Variants in FZR1 observed in about 807,000 individuals in gnomAD.
FZR1 encodes fizzy and cell division cycle 20 related 1, also known as fizzy-related protein homolog.
In FZR1, 11 loss-of-function variants were observed where a neutral mutation model predicts 63.6. The observed-to-expected ratio is 0.17, with a 90% CI of 0.11 to 0.29. The LOEUF (loss-of-function observed/expected upper bound fraction) is 0.29, where lower values mean the gene tolerates loss of function less well. FZR1 is among the 10% of genes least tolerant of loss of function. FZR1 has a pLI of 1.00. For synonymous variants in FZR1, 328 were observed against 297.9 expected, an observed-to-expected ratio of 1.10 and a Z score of -1.04; for missense variants, 440 against 687.5, an observed-to-expected ratio of 0.64 and a Z score of 4.03.
At chr19:3,513,687 G>A (rs1163276841) in intron 1 of FZR1, among the ~76,000 whole-genome samples, 1 of 152,160 alleles carries the variant, frequency 6.6e-6, no homozygotes, top group Non-Finnish European at 1.5e-5. Flanking sequence ...AGCCCGCACG[G>A]GATGTGGCGG....
At chr19:3,506,968 G>A (rs1188874646) in intron 1 of FZR1, among the ~76,000 whole-genome samples, 1 of 152,056 alleles carries the variant, frequency 6.6e-6, no homozygotes, top group Non-Finnish European at 1.5e-5. Flanking sequence ...CTGAGCCTGT[G>A]GTGTGCGATG....
chr19:3,519,087 G>A (rs954615537), intron 1 of FZR1, among the ~76,000 whole-genome samples: 1 of 152,208 alleles, frequency 6.6e-6, no homozygotes, highest in Non-Finnish European at 1.5e-5. Flanking sequence ...CAGGGGCCGT[G>A]GGGGCACAGA....
chr19:3,506,607 T>C (rs1175244440), intron 1 of FZR1, 133 bp downstream of exon 1: 1 of 148,384 alleles, frequency 6.7e-6, no homozygotes, highest in African/African-American at 2.5e-5. Flanking sequence ...GAGCCCCCAG[T>C]CCCCTCGAAT....
intron 1 of FZR1, among the ~76,000 whole-genome samples, chr19:3,509,499 G>A (rs962997077): frequency 1.3e-5 from 2 of 152,086 alleles, no homozygotes; most frequent in African/African-American, 2.4e-5. Context: ...TTCTCCTGCC[G>A]CACGATTCAC....
chr19:3,523,089 GCTCCCC>G, intron 2 of FZR1, 31 bp downstream of exon 2: 3 of 1,361,388 alleles, frequency 2.2e-6, no homozygotes, highest in African/African-American at 1.4e-5. Context: ...CACCACTGTG[GCTCCCC>G]CTCCCCCAGC....
At chr19:3,528,558 A>G (rs912259136) in intron 7 of FZR1, among the ~76,000 whole-genome samples, 5 of 152,044 alleles carry the variant, frequency 3.3e-5, no homozygotes, top group African/African-American at 9.7e-5. Context: ...GGCAGGCTTG[A>G]GCTTGCCAGG....
At chr19:3,532,998 G>A (rs1052017562) in intron 11 of FZR1, among the ~76,000 whole-genome samples, 2 of 152,146 alleles carry the variant, frequency 1.3e-5, no homozygotes, top group African/African-American at 2.4e-5. Context: ...CACTCCGGGC[G>A]TGTCACCAGG....
intron 1 of FZR1, among the ~76,000 whole-genome samples, chr19:3,520,625 C>T (rs1181284983): frequency 1.3e-5 from 2 of 152,232 alleles, no homozygotes; most frequent in Non-Finnish European, 2.9e-5. Flanking sequence ...CCCATGTGGC[C>T]GAGCCAGGGA....
rs1008741751 is a variant in FZR1, at chr19:3,515,043, CCCAGGGCCCGGGTCCACCACCCAGA to C, written c.-34-7905_-34-7881del. ...GATGGGGCAGCAGGAAGCCCGGTGG[CCCAGGGCCCGGGTCCACCACCCAGA>C]CCAGGGCAACCAAGCTGCAGGTGTC... On this transcript the variant is annotated intron_variant, in intron 1 of 13. Transcript: ENST00000441788. This position sits in a 1 kb window ranked among gnomAD's most constrained non-coding sequence, Gnocchi z 4.6. 6.6e-6 allele frequency among the ~76,000 whole-genome samples: 1 copy of C among 152,304 alleles called. No individual in the cohort carries two copies. The highest frequency in any genetic ancestry group is 2.4e-5 in the African/African-American group (1 of 41,570).
At chr19:3,512,397 C>T (rs1206921966) in intron 1 of FZR1, among the ~76,000 whole-genome samples, 1 of 152,178 alleles carries the variant, frequency 6.6e-6, no homozygotes, top group Admixed American at 6.5e-5. Context: ...CAGTGTTGTC[C>T]CTGCTTAACT....
chr19:3,526,401 C>T lies in FZR1; in HGVS notation c.387+15C>T. On this transcript the variant is annotated intron_variant, in intron 5 of 13. Transcript: ENST00000441788. This position sits in a 1 kb window ranked among gnomAD's most constrained non-coding sequence, Gnocchi z 5.4. ...GTCTGTTCACGGTAAGCCTGCGGCA[C>T]CCCCCACCCGGGAGCTGGCTCCCAG... 6.4e-7 allele frequency: 1 copy of T among 1,551,068 alleles called. No homozygotes were observed. Among genetic ancestry groups the T allele is most frequent in the South Asian group, 1.2e-5 (1 of 85,758 alleles).
In FZR1 at chr19:3,533,126, C is replaced by T. The variant is rs1407382351; in HGVS notation, c.1243-168C>T. On this transcript the variant is annotated intron_variant, in intron 11 of 13. Coordinates refer to ENST00000441788, the MANE Select transcript of FZR1 (RefSeq NM_016263.4). This position sits in a 1 kb window ranked among gnomAD's most constrained non-coding sequence, Gnocchi z 4.9. Reference sequence around the variant, plus strand: ...GGTCCACCTGTGGCCTCCACACCTCCTAGACAGACTCAGGTGGCAGAGCCA... The same window carrying T: ...GGTCCACCTGTGGCCTCCACACCTCTTAGACAGACTCAGGTGGCAGAGCCA... 6.6e-6 allele frequency among the ~76,000 whole-genome samples: 1 copy of T among 152,098 alleles called. No homozygotes were observed. Among genetic ancestry groups the T allele is most frequent in the Non-Finnish European group, 1.5e-5 (1 of 67,962 alleles).
chr19:3,534,523 G>T lies in FZR1; in HGVS notation c.1440+10G>T, dbSNP rs1019137769. On this transcript the variant is annotated intron_variant, in intron 13 of 13. Coordinates refer to ENST00000441788, the MANE Select transcript of FZR1 (RefSeq NM_016263.4). ...AACCCGTTCGACAAAGGTAAAGTGGGTCGGTATCAGCGCCACTCGCCCCCG... is the reference window on the plus strand; with the variant it reads ...AACCCGTTCGACAAAGGTAAAGTGGTTCGGTATCAGCGCCACTCGCCCCCG... 1.3e-6 allele frequency: 2 copies of T among 1,572,244 alleles called. No homozygotes were observed. The highest frequency in any genetic ancestry group is 2.7e-5 in the African/African-American group (2 of 74,248).
chr19:3,532,733 G>A, intron 11 of FZR1, 83 bp downstream of exon 11: 12 of 932,308 alleles, frequency 1.3e-5, no homozygotes, highest in Non-Finnish European at 2.0e-5. Context: ...AGAGCAGCCT[G>A]TGGGGAGATG....
chr19:3,532,437 G>C lies in FZR1; in HGVS notation c.1029G>C (p.Ser343=). 3 of 1,591,920 alleles carry C rather than the reference G, an allele frequency of 1.9e-6. No homozygotes were observed. The highest frequency in any genetic ancestry group is 1.1e-5 in the South Asian group (1 of 89,876). Residue 343 remains serine (S), a synonymous_variant, in exon 11 of 14, where the codon TCG becomes TCC. Coordinates refer to ENST00000441788, the MANE Select transcript of FZR1 (RefSeq NM_016263.4). ...CCCAGCTGCTGGTCTGGAATCACTC[G>C]AGCCTGAGCCCCGTGCAGCAGTACA... ...NDNKLLVWNH[S]SLSPVQQYTE...
At position 3,525,781 on chromosome 19, in the gene FZR1, G is replaced by C; in HGVS notation, c.70-87G>C. On this transcript the variant is annotated intron_variant, in intron 2 of 13. Transcript: ENST00000441788. This position sits in a 1 kb window ranked among gnomAD's most constrained non-coding sequence, Gnocchi z 4.2. ...TCAAGATCAAAGCCCCCTTTGCTCA[G>C]TGGCCAGAGGCTGAGAGAGGCTGGC... The C allele has an allele frequency of 6.7e-7, 1 of 1,497,172 alleles. No homozygotes were observed. The highest frequency in any genetic ancestry group is 1.4e-5 in the African/African-American group (1 of 72,208). 92.7% of individuals were successfully genotyped at this position (1,497,172 alleles called of 1,614,324 possible).
Position 3,533,553 on chromosome 19 carries a change from C to T in FZR1, c.1347+155C>T, listed in dbSNP as rs2083268755. On this transcript the variant is annotated intron_variant, in intron 12 of 13. Coordinates refer to ENST00000441788, the MANE Select transcript of FZR1 (RefSeq NM_016263.4). The surrounding 1 kb of genome is among the most constrained non-coding windows in gnomAD (Gnocchi z 4.9). ...GCAGGGGCCGGCAGGGCATCTGGTG[C>T]TGGTTGTGTTGCCAGCGTTGGAATG... is the stretch of plus-strand genomic sequence containing the variant. 3.3e-6 allele frequency: 2 copies of T among 606,556 alleles called. No homozygotes were observed. The highest frequency in any genetic ancestry group is 1.8e-5 in the African/African-American group (1 of 54,398). 37.6% of individuals were successfully genotyped at this position (606,556 alleles called of 1,614,324 possible). A position where few individuals can be genotyped will look rare whatever the true frequency, so the allele number is the denominator to read the frequency against.
rs1482171707 is a variant in FZR1, at chr19:3,533,907, G to A, written c.1347+509G>A. Among the ~76,000 whole-genome samples, 7 of 152,294 alleles carry A rather than the reference G, an allele frequency of 4.6e-5. No homozygotes were observed. The highest frequency in any genetic ancestry group is 1.9e-4 in the East Asian group (1 of 5,176). On this transcript the variant is annotated intron_variant, in intron 12 of 13. Transcript: ENST00000441788. The surrounding 1 kb of genome is among the most constrained non-coding windows in gnomAD (Gnocchi z 4.9). ...TGATGAGCCCCTCTTGCAAGGGGGC[G>A]TCCTTTGTGTTTTTGCAAAAATGCT... is the stretch of plus-strand genomic sequence containing the variant.
At chr19:3,521,059 G>A (rs931035317) in intron 1 of FZR1, among the ~76,000 whole-genome samples, 1 of 152,218 alleles carries the variant, frequency 6.6e-6, no homozygotes, top group Non-Finnish European at 1.5e-5. Flanking sequence ...TTCATGGCTG[G>A]GTCGTGTTCT....
Sources: allele counts gnomAD v4.1 joint callset (sites outside exome capture counted in the v4.1 genomes callset), GRCh38; gene constraint gnomAD v4.1.1; non-coding constraint Gnocchi (gnomAD v3.1); transcripts MANE v1.5; gene names NCBI Gene and HGNC (gene_info 2026-07-23, HGNC 2026-07-21).